Variants in CLASP2 observed in about 807,000 individuals in gnomAD.
The protein encoded by CLASP2 is cytoplasmic linker associated protein 2, also known as CLIP-associating protein 2.
A neutral mutation model predicts 194.4 loss-of-function variants in CLASP2; 47 were observed. That is an observed-to-expected ratio of 0.24 (90% confidence interval 0.19 to 0.31). The LOEUF (loss-of-function observed/expected upper bound fraction) is 0.31, where lower values mean the gene tolerates loss of function less well. CLASP2 is among the 10% of genes least tolerant of loss of function. The pLI is 1.00. For missense variants in CLASP2, 1,445 were observed against 1,823.6 expected (o/e 0.79, Z 3.78); for synonymous variants, 619 against 633.5 (o/e 0.98, Z 0.34).
At chr3:33,577,055 A>G in intron 23 of CLASP2, 1 of 552,824 alleles carries the variant, frequency 1.8e-6, no homozygotes, top group Non-Finnish European at 2.7e-6. Flanking sequence ...TACTTGGGAG[A>G]AAAGAAAAAA....
chr3:33,557,259 C>G (rs914834096), intron 29 of CLASP2, among the ~76,000 whole-genome samples: 5 of 152,172 alleles, frequency 3.3e-5, no homozygotes, highest in African/African-American at 1.2e-4. Flanking sequence ...CAGGTGTGAG[C>G]CACGGTGCCC....
In CLASP2 at chr3:33,644,846, G is replaced by T; in HGVS notation, c.773C>A (p.Ser258Ter). Residue 258 changes from serine (S) to a stop codon, truncating the protein, a stop_gained, in exon 8 of 39, where the codon TCA (serine) becomes TAA (stop). Coordinates refer to ENST00000682230, the MANE Select transcript of CLASP2 (RefSeq NM_001365631.1). LOFTEE classifies it high-confidence loss of function. ...TTTAGGTGCAGGAACCTTGAAGGCT[G>T]ATGCAGCTGATGATGGCCTATTTCC... ...VDGNRPSSAA[S>*]AFKVPAPKTS... is the part of the protein sequence containing the mutation. 6.2e-7 allele frequency: 1 copy of T among 1,610,158 alleles called. No individual in the cohort carries two copies. Among genetic ancestry groups the T allele is most frequent in the Non-Finnish European group, 8.5e-7 (1 of 1,178,018 alleles).
chr3:33,696,534 C>T (rs912856345), intron 2 of CLASP2, among the ~76,000 whole-genome samples: 1 of 149,606 alleles, frequency 6.7e-6, no homozygotes, highest in Non-Finnish European at 1.5e-5. Flanking sequence ...GGCATGATCT[C>T]AGCTCACTGC....
At chr3:33,633,350 T>C (rs572875832) in intron 8 of CLASP2, among the ~76,000 whole-genome samples, 1 of 152,134 alleles carries the variant, frequency 6.6e-6, no homozygotes, top group African/African-American at 2.4e-5. Context: ...TGGGGCAGAG[T>C]ACCCTAGAAT....
In CLASP2 at chr3:33,535,425, C is replaced by T. The variant is rs753808173; in HGVS notation, c.3595G>A (p.Gly1199Arg). 11 of 1,613,966 alleles carry T rather than the reference C, an allele frequency of 6.8e-6. No homozygotes were observed. The change falls in exon 34 of 39, where the codon GGA (glycine) becomes AGA (arginine). Residue 1199 changes from glycine (G) to arginine (R), a missense_variant. Physicochemically the swap from Gly to Arg is moderately radical, Grantham distance 125. This residue lies in a region of CLASP2 where 732 missense variants were observed against 987.9 expected (regional missense o/e 0.74). Coordinates refer to ENST00000682230, the MANE Select transcript of CLASP2 (RefSeq NM_001365631.1). ...TGACTTGAGTCAGTAGCATCACCTC[C>T]TGCTCTTGGGTCAGACATCCCAGGA... is the stretch of plus-strand genomic sequence containing the variant. Reference protein sequence around the residue: ...GGPGMSDPRAGGDATDSSQTA... With the variant: ...GGPGMSDPRARGDATDSSQTA...
chr3:33,579,679 T>C lies in CLASP2; in HGVS notation c.2347+2142A>G, dbSNP rs112333864. Among the ~76,000 whole-genome samples, 12 of 152,284 alleles carry C rather than the reference T, an allele frequency of 7.9e-5. 1 individual carries two copies. Among genetic ancestry groups the C allele is most frequent in the African/African-American group, 2.4e-4 (10 of 41,556 alleles). Reference sequence around the variant, plus strand: ...GCTCATTATGTGTCAAGCACTGCCTTGAGGGAGTTTTTCACGTATTTCTCA... The same window carrying C: ...GCTCATTATGTGTCAAGCACTGCCTCGAGGGAGTTTTTCACGTATTTCTCA... On this transcript the variant is annotated intron_variant, in intron 23 of 38. Transcript: ENST00000682230.
At chr3:33,521,886 TC>T (rs1259752798) in intron 34 of CLASP2, among the ~76,000 whole-genome samples, 1 of 83,456 alleles carries the variant, frequency 1.2e-5, no homozygotes, top group Non-Finnish European at 2.6e-5. Flanking sequence ...CACTCCCCCC[TC>T]CACCAGCCCC....
intron 6 of CLASP2, among the ~76,000 whole-genome samples, chr3:33,668,421 C>T (rs1037625846): frequency 6.6e-6 from 1 of 152,068 alleles, no homozygotes; most frequent in African/African-American, 2.4e-5. Flanking sequence ...ACTATGCCTT[C>T]TAAACATTAA....
intron 26 of CLASP2, 27 bp downstream of exon 26, chr3:33,570,700 T>A (rs540586936): frequency 6.3e-7 from 1 of 1,581,516 alleles, no homozygotes; most frequent in East Asian, 2.3e-5. Flanking sequence ...CCTATAGAAA[T>A]AAATAATCTT....
intron 23 of CLASP2, among the ~76,000 whole-genome samples, chr3:33,580,903 C>A (rs1376344579): frequency 6.6e-6 from 1 of 150,598 alleles, no homozygotes; most frequent in Non-Finnish European, 1.5e-5. Context: ...GTAGTCCCAG[C>A]TACTCAGGAG....
At chr3:33,537,655 A>G (rs2057612994) in intron 33 of CLASP2, among the ~76,000 whole-genome samples, 1 of 152,204 alleles carries the variant, frequency 6.6e-6, no homozygotes, top group South Asian at 2.1e-4. Context: ...ACTTAAGTGT[A>G]ATGATGTGTT....
chr3:33,701,587 C>T (rs1445861169), intron 1 of CLASP2, among the ~76,000 whole-genome samples: 1 of 152,150 alleles, frequency 6.6e-6, no homozygotes, highest in South Asian at 2.1e-4. Flanking sequence ...CAGAGTAATA[C>T]CCTGTCTCAA....
chr3:33,651,717 T>A (rs969708505), intron 7 of CLASP2, among the ~76,000 whole-genome samples: 1 of 144,484 alleles, frequency 6.9e-6, no homozygotes, highest in Non-Finnish European at 1.5e-5. Flanking sequence ...TGGAGTGCAA[T>A]GGTGTGATCT....
chr3:33,515,522 T>C (rs1463993904), intron 36 of CLASP2, among the ~76,000 whole-genome samples: 1 of 152,154 alleles, frequency 6.6e-6, no homozygotes, highest in African/African-American at 2.4e-5. Flanking sequence ...TGCTGGTGCA[T>C]GCCTGCAGTC....
chr3:33,707,222 A>G (rs932018528), intron 1 of CLASP2, among the ~76,000 whole-genome samples: 1 of 152,222 alleles, frequency 6.6e-6, no homozygotes. Context: ...TCAAGATAGG[A>G]CAGTTTGAAT....
intron 23 of CLASP2, 111 bp downstream of exon 23, chr3:33,581,710 A>G (rs2066179498): frequency 2.9e-6 from 2 of 679,510 alleles, no homozygotes; most frequent in Non-Finnish European, 5.2e-6. Context: ...GAAAAGGGGT[A>G]GAGAGAAAGA....
chr3:33,686,119 T>C (rs535239801), intron 5 of CLASP2, among the ~76,000 whole-genome samples: 6 of 152,298 alleles, frequency 3.9e-5, no homozygotes, highest in South Asian at 2.1e-4. Context: ...GAAGAGACAG[T>C]AGAATTCTCT....
At position 33,501,702 on chromosome 3, in the gene CLASP2, C is replaced by T. The variant is rs1168304019; in HGVS notation, c.4384G>A (p.Val1462Ile). The T allele has an allele frequency of 6.2e-7, 1 of 1,613,592 alleles. No individual in the cohort carries two copies. The highest frequency in any genetic ancestry group is 1.1e-5 in the South Asian group (1 of 91,072). Residue 1462 changes from valine (V) to isoleucine (I), a missense_variant, in exon 38 of 39, where the codon GTA becomes ATA. Transcript: ENST00000682230. ...TGTGGTTTTAGTTCATCACCAATTA[C>T]CGCATGAACAGCCACCAGGCAGAAG... ...CVFCLVAVHA[V>I]IGDELKPHLS...
chr3:33,664,535 CTTAT>C (rs2085844525), intron 6 of CLASP2, among the ~76,000 whole-genome samples: 1 of 152,146 alleles, frequency 6.6e-6, no homozygotes, highest in South Asian at 2.1e-4. Flanking sequence ...AAATTATTGG[CTTAT>C]TTCAGTAAGA....
Sources: gnomAD v4.1 joint callset for allele counts (sites outside exome capture counted in the v4.1 genomes callset) on GRCh38, gnomAD v4.1.1 for gene constraint, gnomAD v4.1.1 regional missense constraint, MANE v1.5 for transcripts, NCBI Gene and HGNC (gene_info 2026-07-23, HGNC 2026-07-21) for gene names.